The following CGGBP1 variants were observed in gnomAD, a reference collection of about 807,000 sequenced individuals.
CGGBP1 encodes CGG triplet repeat-binding protein 1.
A neutral mutation model predicts 11.4 loss-of-function variants in CGGBP1; 4 were observed. The observed-to-expected ratio is 0.35, with a 90% CI of 0.17 to 0.80. The LOEUF (loss-of-function observed/expected upper bound fraction) is 0.80. Among genes scored for constraint, CGGBP1 ranks in the 30% least tolerant of loss-of-function variants. CGGBP1 has a pLI of 0.52. For synonymous variants in CGGBP1, 76 were observed against 74.1 expected (o/e 1.03, Z -0.13); for missense variants, 135 against 202.1 (o/e 0.67, Z 2.01).
chr3:88,106,103 G>C (rs2107737288), intron 2 of CGGBP1, among the ~76,000 whole-genome samples: 1 of 152,234 alleles, frequency 6.6e-6, no homozygotes, highest in South Asian at 2.1e-4. Flanking sequence ...GCCAGAACTG[G>C]GAGCCAAATA....
intron 2 of CGGBP1, among the ~76,000 whole-genome samples, chr3:88,086,672 T>G (rs1333327480): frequency 6.6e-6 from 1 of 152,218 alleles, no homozygotes; most frequent in Non-Finnish European, 1.5e-5. Flanking sequence ...CAGATTGCCT[T>G]GGGAAGCTCT....
At chr3:88,061,390 A>C (rs942934795), upstream of CGGBP1, among the ~76,000 whole-genome samples, 16 of 152,198 alleles carry the variant, frequency 1.1e-4, no homozygotes, top group Admixed American at 4.6e-4. Flanking sequence ...CTGTATATCC[A>C]AGGAAATAAA....
At chr3:88,073,025 C>G (rs748343535) in intron 2 of CGGBP1, among the ~76,000 whole-genome samples, 5 of 152,116 alleles carry the variant, frequency 3.3e-5, no homozygotes, top group Non-Finnish European at 7.4e-5. Context: ...GGTAGGTGGA[C>G]ATTTTAAGTA....
At chr3:88,064,602 C>T (rs908981125) in intron 2 of CGGBP1, among the ~76,000 whole-genome samples, 1 of 152,166 alleles carries the variant, frequency 6.6e-6, no homozygotes, top group African/African-American at 2.4e-5. Context: ...CACACATGAG[C>T]TTGTTCCCAA....
rs1487166955 is a variant in CGGBP1, at chr3:88,069,847, G to A, written c.-228-11624C>T. On this transcript the variant is annotated intron_variant, in intron 2 of 3. Transcript: ENST00000462901. Reference sequence around the variant, plus strand: ...ATTATCTTGTGTTTTGAAAGCAGGAGAGTATGGGATGTGTTTTAAATGTTT... The same window carrying A: ...ATTATCTTGTGTTTTGAAAGCAGGAAAGTATGGGATGTGTTTTAAATGTTT... 3.3e-5 allele frequency among the ~76,000 whole-genome samples: 5 copies of A among 152,294 alleles called. No homozygotes were observed. In the South Asian group the frequency reaches 1.0e-3, roughly 32 times the overall value.
chr3:88,122,675 T>G (rs1255065869), intron 2 of CGGBP1, among the ~76,000 whole-genome samples: 1 of 152,130 alleles, frequency 6.6e-6, no homozygotes, highest in East Asian at 1.9e-4. Flanking sequence ...TAAGTTGATA[T>G]AGAGGCACAA....
chr3:88,130,982 T>C (rs754547166), intron 2 of CGGBP1, among the ~76,000 whole-genome samples: 8 of 152,172 alleles, frequency 5.3e-5, no homozygotes, highest in Non-Finnish European at 8.8e-5. Context: ...CACACCTTTA[T>C]ATACAGTTAT....
chr3:88,100,265 A>G (rs1176079507), intron 2 of CGGBP1, among the ~76,000 whole-genome samples: 1 of 152,196 alleles, frequency 6.6e-6, no homozygotes, highest in African/African-American at 2.4e-5. Flanking sequence ...AATCAAAACC[A>G]CAATGAGATA....
intron 2 of CGGBP1, among the ~76,000 whole-genome samples, chr3:88,087,924 T>C (rs1250910512): frequency 1.1e-4 from 16 of 152,196 alleles, no homozygotes; most frequent in Non-Finnish European, 1.9e-4. Flanking sequence ...CTTTGAGTGC[T>C]AACGTGATAC....
chr3:88,058,485 G>A (rs868135665), intron 1 of CGGBP1, among the ~76,000 whole-genome samples: 1 of 152,110 alleles, frequency 6.6e-6, no homozygotes, highest in Non-Finnish European at 1.5e-5. Flanking sequence ...GGCCCGGGAC[G>A]TTCCCGGCGT....
upstream of CGGBP1, chr3:88,059,058 AC>A: frequency 1.7e-6 from 1 of 591,010 alleles, no homozygotes; most frequent in Non-Finnish European, 2.8e-6. Context: ...TGACCAACAG[AC>A]GGCCGGTTTA....
At chr3:88,061,108 T>A (rs898266700), upstream of CGGBP1, among the ~76,000 whole-genome samples, 2 of 152,166 alleles carry the variant, frequency 1.3e-5, no homozygotes, top group African/African-American at 2.4e-5. Flanking sequence ...GTTTTGTAAC[T>A]ATACCTTTTA....
intron 3 of CGGBP1, 114 bp from the exon 4 acceptor site, chr3:88,056,113 A>C: frequency 1.3e-6 from 1 of 767,154 alleles, no homozygotes; most frequent in Non-Finnish European, 2.0e-6. Context: ...ACTTAATTCA[A>C]ATTAGTAGAC....
intron 2 of CGGBP1, among the ~76,000 whole-genome samples, chr3:88,134,584 C>G (rs1350801651): frequency 2.6e-5 from 4 of 152,018 alleles, no homozygotes; most frequent in Non-Finnish European, 4.4e-5. Context: ...CTGAAACATA[C>G]TATTTCAGAA....
chr3:88,123,148 A>C (rs897664612), intron 2 of CGGBP1, among the ~76,000 whole-genome samples: 2 of 152,166 alleles, frequency 1.3e-5, no homozygotes. Flanking sequence ...AATATCATCC[A>C]AAAAAGCCAC....
Position 88,053,489 on chromosome 3 carries a change from T to C in CGGBP1, c.*1984A>G, listed in dbSNP as rs1164061834. On this transcript the variant is annotated 3_prime_UTR_variant, in exon 4 of 4. Transcript: ENST00000482016. ...AGTAGTAACTACTAAAACTTAAATATGAATTATTGATGTTTTTCTAATGCA... is the reference window on the plus strand; with the variant it reads ...AGTAGTAACTACTAAAACTTAAATACGAATTATTGATGTTTTTCTAATGCA... 1 of 152,206 alleles carries C rather than the reference T, an allele frequency of 6.6e-6. No homozygotes were observed. Among genetic ancestry groups the C allele is most frequent in the East Asian group, 1.9e-4 (1 of 5,204 alleles). The allele number at this position is 152,206 out of a possible 1,614,324, so 9.4% of individuals were successfully genotyped here.
chr3:88,113,582 A>G (rs527487826), intron 2 of CGGBP1, among the ~76,000 whole-genome samples: 2 of 152,212 alleles, frequency 1.3e-5, no homozygotes, highest in South Asian at 4.1e-4. Flanking sequence ...CGAAGCTAGG[A>G]GACAGAAGAT....
In CGGBP1 at chr3:88,052,640, T is replaced by A. The variant is rs1268398024; in HGVS notation, c.*2833A>T. On this transcript the variant is annotated 3_prime_UTR_variant, in exon 4 of 4. Transcript: ENST00000482016. ...TCTCAAGCTTAATTGGTTACCATTA[T>A]AAGATGCAGAACTTTTTAATGTTTT... The A allele has an allele frequency of 6.6e-6, 1 of 152,426 alleles. No homozygotes were observed. Among genetic ancestry groups the A allele is most frequent in the East Asian group, 1.9e-4 (1 of 5,206 alleles). The allele number at this position is 152,426 out of a possible 1,614,324, so 9.4% of individuals were successfully genotyped here.
intron 2 of CGGBP1, among the ~76,000 whole-genome samples, chr3:88,080,498 TA>T (rs1708023811): frequency 1.3e-5 from 2 of 152,166 alleles, no homozygotes; most frequent in Admixed American, 1.3e-4. Context: ...AAAGTGATAT[TA>T]AATTCATTTT....
Sources: gnomAD v4.1 joint callset for allele counts (sites outside exome capture counted in the v4.1 genomes callset) on GRCh38, gnomAD v4.1.1 for gene constraint, MANE v1.5 for transcripts, NCBI Gene and HGNC (gene_info 2026-07-23, HGNC 2026-07-21) for gene names.